AKR1C2: variants seen among roughly 807,000 people sequenced by gnomAD.
AKR1C2 encodes the protein aldo-keto reductase family 1 member C2, also known as 3-alpha-HSD3.
AKR1C2 carries 27 observed loss-of-function variants against 39.8 expected under a neutral mutation model. The ratio of observed to expected loss-of-function variants is 0.68; its 90% CI spans 0.50 to 0.93. The LOEUF (loss-of-function observed/expected upper bound fraction) is 0.93. Among genes scored for constraint, AKR1C2 ranks in the 40% least tolerant of loss-of-function variants. AKR1C2 has a pLI of 0.00. For missense variants in AKR1C2, 263 were observed against 365.1 expected, an observed-to-expected ratio of 0.72 and a Z score of 2.28; for synonymous variants, 114 against 137.9, an observed-to-expected ratio of 0.83 and a Z score of 1.22.
At chr10:5,012,350 T>G (rs1227321920) in intron 1 of AKR1C2, among the ~76,000 whole-genome samples, 20 of 151,980 alleles carry the variant, frequency 1.3e-4, no homozygotes, top group African/African-American at 4.8e-4. Context: ...TATGTTACCT[T>G]ACCTGGCAAA....
At chr10:5,005,679 C>A (rs1221974922), upstream of AKR1C2, among the ~76,000 whole-genome samples, 1 of 151,990 alleles carries the variant, frequency 6.6e-6, no homozygotes, top group Non-Finnish European at 1.5e-5. Flanking sequence ...AAGACTCCAG[C>A]TCAAAAAAAT....
intron 1 of AKR1C2, among the ~76,000 whole-genome samples, chr10:5,009,724 T>A (rs752662254): frequency 1.8e-4 from 28 of 152,074 alleles, no homozygotes; most frequent in Non-Finnish European, 2.9e-4. Flanking sequence ...ATTCTGCCCT[T>A]ATATAAACCC....
intron 8 of AKR1C2, among the ~76,000 whole-genome samples, chr10:4,990,459 A>G (rs1836798667): frequency 1.3e-5 from 2 of 152,234 alleles, no homozygotes; most frequent in Non-Finnish European, 2.9e-5. Context: ...TGAGTGTGAT[A>G]ATTATACTGG....
In AKR1C2 at chr10:4,993,648, GT is replaced by G. The variant is rs1382586645; in HGVS notation, c.846+1670del. Reference sequence around the variant, plus strand: ...GTCTACATGAAGGATAGAAACTTTTGTTTGTGAAAACATAACCACAGAGAAT... The same window carrying G: ...GTCTACATGAAGGATAGAAACTTTTGTTGTGAAAACATAACCACAGAGAAT... On this transcript the variant is annotated intron_variant, in intron 7 of 8. Transcript: ENST00000380753. Among the ~76,000 whole-genome samples, 4 of 152,054 alleles carry G rather than the reference GT, an allele frequency of 2.6e-5. No individual in the cohort carries two copies. The East Asian group carries it at 7.7e-4, about 29-fold the overall frequency.
upstream of AKR1C2, among the ~76,000 whole-genome samples, chr10:5,008,614 G>A (rs1473591494): frequency 2.0e-5 from 3 of 152,212 alleles, no homozygotes; most frequent in South Asian, 2.1e-4. Flanking sequence ...TGAGGGAGAG[G>A]GAGAGGAATA....
chr10:5,006,597 A>G (rs1480536365), upstream of AKR1C2: 3 of 151,864 alleles, frequency 2.0e-5, no homozygotes, highest in Admixed American at 2.0e-4. Context: ...CTCCATCTGA[A>G]AAAAACAACA....
chr10:4,989,846 G>T lies in AKR1C2; in HGVS notation c.*150C>A. On this transcript the variant is annotated 3_prime_UTR_variant, in exon 9 of 9. Coordinates refer to ENST00000380753, the MANE Select transcript of AKR1C2 (RefSeq NM_001393392.1). ...AACAAAATTATTGTCTTTCTTTTCC[G>T]GCCGATGGGCTTAGCTGTAGCTTAC... The T allele has an allele frequency of 1.7e-6, 2 of 1,145,028 alleles. No individual in the cohort carries two copies. The highest frequency in any genetic ancestry group is 2.5e-6 in the Non-Finnish European group (2 of 809,286). 70.9% of individuals were successfully genotyped at this position (1,145,028 alleles called of 1,614,324 possible).
At chr10:5,005,114 C>G (rs1837371079), upstream of AKR1C2, among the ~76,000 whole-genome samples, 1 of 151,920 alleles carries the variant, frequency 6.6e-6, no homozygotes, top group African/African-American at 2.4e-5. Flanking sequence ...ATGCAATAGT[C>G]CATCTAAGCT....
At chr10:5,014,205 T>C (rs1554775163) in intron 1 of AKR1C2, among the ~76,000 whole-genome samples, 1 of 152,044 alleles carries the variant, frequency 6.6e-6, no homozygotes, top group Non-Finnish European at 1.5e-5. Context: ...TGTTTTAGTT[T>C]CTGCTTTTAA....
At chr10:5,003,911 T>C (rs534532528), upstream of AKR1C2, 538 of 1,308,978 alleles carry the variant, frequency 4.1e-4, 4 homozygotes, top group South Asian at 6.3e-3. Flanking sequence ...GCAACGCCCC[T>C]GAGCACACTG....
At chr10:5,010,884 A>T (rs1351710431) in intron 1 of AKR1C2, among the ~76,000 whole-genome samples, 1 of 152,226 alleles carries the variant, frequency 6.6e-6, no homozygotes, top group East Asian at 1.9e-4. Flanking sequence ...ACCTGAGACT[A>T]TCAAGTGCTA....
In AKR1C2 at chr10:4,988,187, T is replaced by TA. The variant is rs2131662549; in HGVS notation, c.*1808dup. 1 of 152,366 alleles carries TA rather than the reference T, an allele frequency of 6.6e-6. No individual in the cohort carries two copies. Among genetic ancestry groups the TA allele is most frequent in the East Asian group, 1.9e-4 (1 of 5,192 alleles). The allele number at this position is 152,366 out of a possible 1,614,324, so 9.4% of individuals were successfully genotyped here. A position where few individuals can be genotyped will look rare whatever the true frequency, so the allele number is the denominator to read the frequency against. On this transcript the variant is annotated 3_prime_UTR_variant, in exon 9 of 9. Coordinates refer to ENST00000380753, the MANE Select transcript of AKR1C2 (RefSeq NM_001393392.1). Reference sequence around the variant, plus strand: ...TCTGCTTAAGCGTTACACACTTGGCTACGAAGTTTTAACAAAATGTCAATC... The same window carrying TA: ...TCTGCTTAAGCGTTACACACTTGGCTAACGAAGTTTTAACAAAATGTCAATC...
At chr10:4,992,423 A>G (rs1258389501) in intron 7 of AKR1C2, among the ~76,000 whole-genome samples, 1 of 152,154 alleles carries the variant, frequency 6.6e-6, no homozygotes, top group Non-Finnish European at 1.5e-5. Context: ...AATTTGGGAG[A>G]CTCTAAATAT....
At chr10:5,010,279 C>T (rs1937860) in intron 1 of AKR1C2, 117,146 of 151,760 alleles carry the variant, frequency 0.77, 44,992 homozygotes, top group South Asian at 0.82. Flanking sequence ...CAGTTTGAAC[C>T]GGTGAGCCAC....
rs1284276436 is a variant in AKR1C2, at chr10:5,010,995, A to T, written c.-88+6905T>A. Among the ~76,000 whole-genome samples, 7 of 152,090 alleles carry T rather than the reference A, an allele frequency of 4.6e-5. No homozygotes were observed. The East Asian group carries it at 7.8e-4, about 17-fold the overall frequency. On this transcript the variant is annotated intron_variant, in intron 1 of 6. Transcript: ENST00000604507. ...TCAAAAACACAAATGAGAGAATAGG[A>T]AGAGATGCATATGACTTAATTAGAC...
At chr10:5,012,860 C>T (rs1837551751) in intron 1 of AKR1C2, among the ~76,000 whole-genome samples, 1 of 152,176 alleles carries the variant, frequency 6.6e-6, no homozygotes, top group East Asian at 1.9e-4. Flanking sequence ...AGCACATAGG[C>T]ATGCTGTTTT....
intron 5 of AKR1C2, 174 bp from the exon 6 acceptor site, chr10:4,996,039 A>G (rs1837024817): frequency 1.4e-6 from 1 of 721,794 alleles, no homozygotes; most frequent in African/African-American, 1.8e-5. Flanking sequence ...CTCCTAAGAA[A>G]ATAGAAATGC....
At chr10:5,002,063 G>A (rs1298278460) in intron 1 of AKR1C2, among the ~76,000 whole-genome samples, 1 of 152,234 alleles carries the variant, frequency 6.6e-6, no homozygotes, top group Admixed American at 6.5e-5. Context: ...AAGGAATGCA[G>A]TGTAAGCTCC....
intron 1 of AKR1C2, among the ~76,000 whole-genome samples, chr10:5,011,389 G>A (rs2398166): frequency 3.9e-5 from 6 of 152,138 alleles, no homozygotes; most frequent in Admixed American, 2.0e-4. Flanking sequence ...ACTGTGCAAT[G>A]TATCTATGTA....
Sources: allele counts gnomAD v4.1 joint callset (sites outside exome capture counted in the v4.1 genomes callset), GRCh38; gene constraint gnomAD v4.1.1; transcripts MANE v1.5; gene names NCBI Gene and HGNC (gene_info 2026-07-23, HGNC 2026-07-21).